Variants in MMP17 observed in about 807,000 individuals in gnomAD.
The protein encoded by MMP17 is matrix metallopeptidase 17.
MMP17 carries 54 observed loss-of-function variants against 49.1 expected under a neutral mutation model. The ratio of observed to expected loss-of-function variants is 1.10; its 90% CI spans 0.88 to 1.38. The LOEUF is 1.38. Ranked by LOEUF, MMP17 falls within the 40% of genes most tolerant of loss-of-function variation. The pLI, the probability that MMP17 is intolerant of heterozygous loss-of-function variation, is 0.00. For synonymous variants in MMP17, 397 were observed against 383.1 expected, an observed-to-expected ratio of 1.04 and a Z score of -0.42; for missense variants, 837 against 853.7, an observed-to-expected ratio of 0.98 and a Z score of 0.24.
At chr12:131,834,563 C>T (rs2136312191) in intron 1 of MMP17, among the ~76,000 whole-genome samples, 1 of 152,198 alleles carries the variant, frequency 6.6e-6, no homozygotes, top group East Asian at 1.9e-4. Flanking sequence ...GTCTGGGCCC[C>T]CACCCCAGCG....
intron 3 of MMP17, 30 bp from the exon 4 acceptor site, chr12:131,840,543 G>GACTCACTC: frequency 6.5e-7 from 1 of 1,544,444 alleles, no homozygotes; most frequent in Non-Finnish European, 8.7e-7. Flanking sequence ...TGTTCTCCGT[G>GACTCACTC]ACTCACTCTG....
Position 131,828,484 on chromosome 12 carries a change from A to T in MMP17, c.-11A>T, listed in dbSNP as rs1231490229. 1.6e-5 allele frequency: 16 copies of T among 991,904 alleles called. No homozygotes were observed. The highest frequency in any genetic ancestry group is 1.9e-5 in the Non-Finnish European group (16 of 835,264). 61.4% of individuals were successfully genotyped at this position (991,904 alleles called of 1,614,324 possible). On this transcript the variant is annotated 5_prime_UTR_variant, in exon 1 of 10. An upstream start codon of the reference 5' UTR is lost. Coordinates refer to ENST00000360564, the MANE Select transcript of MMP17 (RefSeq NM_016155.7). ...GACCCTGCACGCCGCCCGCGGGCCC[A>T]TGTGAGCGCCATGCGGCGCCGCGCA... is the stretch of plus-strand genomic sequence containing the variant.
In MMP17 at chr12:131,838,745, G is replaced by T. The variant is rs1222882697; in HGVS notation, c.422+4G>T. On this transcript the variant is annotated splice_donor_region_variant and intron_variant, in intron 3 of 9. Transcript: ENST00000360564. The stretch of plus-strand genomic sequence containing the variant: ...ACAAGAGGAACCTGTCGTGGAGGTG[G>T]GTGTGTGGCCAGGGTGAGGAGCGGG... The T allele has an allele frequency of 2.6e-6, 4 of 1,561,790 alleles. No homozygotes were observed. In the South Asian group the frequency reaches 4.7e-5, roughly 18 times the overall value.
intron 8 of MMP17, among the ~76,000 whole-genome samples, chr12:131,847,109 TAAA>T (rs34505286): frequency 7.3e-6 from 1 of 136,698 alleles, no homozygotes. Flanking sequence ...AGACCTTGTC[TAAA>T]AAAAAAAAAA....
chr12:131,838,580 G>C, intron 2 of MMP17, 32 bp from the exon 3 acceptor site: 1 of 1,597,594 alleles, frequency 6.3e-7, no homozygotes, highest in South Asian at 1.1e-5. Flanking sequence ...AGTGAGCTGG[G>C]CTAGGCTCTG....
intron 2 of MMP17, 88 bp downstream of exon 2, chr12:131,838,415 C>T: frequency 6.6e-6 from 10 of 1,521,338 alleles, no homozygotes; most frequent in African/African-American, 4.1e-5. Flanking sequence ...GGCACAGTCC[C>T]GTCTTATGCT....
At chr12:131,844,708 C>T (rs1887602860) in intron 6 of MMP17, 2 of 237,204 alleles carry the variant, frequency 8.4e-6, no homozygotes, top group Admixed American at 5.1e-5. Flanking sequence ...TGGACATGCA[C>T]CTTGTCCCTG....
chr12:131,833,375 G>A (rs1369185031), intron 1 of MMP17, among the ~76,000 whole-genome samples: 1 of 152,220 alleles, frequency 6.6e-6, no homozygotes, highest in Non-Finnish European at 1.5e-5. Context: ...TCTTCCTCAC[G>A]ATCCCGTCTT....
chr12:131,841,453 G>A (rs1022287189), intron 4 of MMP17, among the ~76,000 whole-genome samples, 171 bp from the exon 5 acceptor site: 3 of 152,178 alleles, frequency 2.0e-5, no homozygotes, highest in African/African-American at 7.2e-5. Context: ...GCCCCACAGA[G>A]CCCCCAGGGG....
chr12:131,842,706 G>A (rs1165792037), intron 5 of MMP17, among the ~76,000 whole-genome samples: 8 of 151,882 alleles, frequency 5.3e-5, no homozygotes, highest in Admixed American at 1.3e-4. Flanking sequence ...CCGGGAGGCA[G>A]AGGTTGCAGT....
chr12:131,846,784 T>G lies in MMP17; in HGVS notation c.1204+1335T>G, dbSNP rs947532081. ...TGGATGTGAGTTTGGAGGACGTCATTCAATCCAATGTGGCAGCCACTCCCA... is the reference window on the plus strand; with the variant it reads ...TGGATGTGAGTTTGGAGGACGTCATGCAATCCAATGTGGCAGCCACTCCCA... On this transcript the variant is annotated intron_variant, in intron 8 of 9. Transcript: ENST00000360564. This position sits in a 1 kb window ranked among gnomAD's most constrained non-coding sequence, Gnocchi z 4.6. Among the ~76,000 whole-genome samples, 12 of 152,240 alleles carry G rather than the reference T, an allele frequency of 7.9e-5. No individual in the cohort carries two copies. The highest frequency in any genetic ancestry group is 1.6e-4 in the Non-Finnish European group (11 of 68,018).
At position 131,845,313 on chromosome 12, in the gene MMP17, G is replaced by T; in HGVS notation, c.1068G>T (p.Arg356=). 6.2e-7 allele frequency: 1 copy of T among 1,606,978 alleles called. No individual in the cohort carries two copies. Among genetic ancestry groups the T allele is most frequent in the South Asian group, 1.1e-5 (1 of 90,892 alleles). Residue 356 remains arginine (R), a synonymous_variant, in exon 8 of 10, where the codon CGG becomes CGT. Coordinates refer to ENST00000360564, the MANE Select transcript of MMP17 (RefSeq NM_016155.7). ...AFFFKGKYFW[R]LTRDRHLVSL... Reference sequence around the variant, plus strand: ...TGCCCCCAGGCAAGTACTTCTGGCGGCTGACGCGGGACCGGCACCTGGTGT... The same window carrying T: ...TGCCCCCAGGCAAGTACTTCTGGCGTCTGACGCGGGACCGGCACCTGGTGT...
chr12:131,844,409 C>G, intron 6 of MMP17: 1 of 392,344 alleles, frequency 2.5e-6, no homozygotes, highest in Non-Finnish European at 4.6e-6. Context: ...CAGGCAGGGC[C>G]TGCGAGTGTC....
At chr12:131,841,905 T>G in intron 5 of MMP17, 105 bp downstream of exon 5, 6 of 1,257,598 alleles carry the variant, frequency 4.8e-6, no homozygotes, top group Non-Finnish European at 5.4e-6. Context: ...CTCCCCGCTG[T>G]TCCCTCCACG....
Position 131,838,194 on chromosome 12 carries a change from G to C in MMP17, c.160-1G>C, listed in dbSNP as rs778360275. On this transcript the variant is annotated splice_acceptor_variant, in intron 1 of 9. Transcript: ENST00000360564. LOFTEE classifies it high-confidence loss of function. ...CCCCTCACCCTGCTCTCTGCCCTCA[G>C]GAGTGGCTAAGCAGGTTCGGTTACC... 1 of 1,612,230 alleles carries C rather than the reference G, an allele frequency of 6.2e-7. No homozygotes were observed. The highest frequency in any genetic ancestry group is 8.5e-7 in the Non-Finnish European group (1 of 1,179,276).
intron 1 of MMP17, among the ~76,000 whole-genome samples, chr12:131,831,602 C>T (rs1402905426): frequency 1.3e-5 from 2 of 151,614 alleles, no homozygotes; most frequent in African/African-American, 4.8e-5. Flanking sequence ...CTGATTTCGC[C>T]ATGAGAGACG....
At chr12:131,849,310 C>T (rs1287089620) in intron 8 of MMP17, among the ~76,000 whole-genome samples, 2 of 152,096 alleles carry the variant, frequency 1.3e-5, no homozygotes, top group Admixed American at 6.5e-5. Flanking sequence ...ATGGTGAAAC[C>T]CCGTCTCTAC....
intron 1 of MMP17, among the ~76,000 whole-genome samples, chr12:131,835,397 T>C (rs964182135): frequency 6.6e-6 from 1 of 152,194 alleles, no homozygotes; most frequent in Non-Finnish European, 1.5e-5. Flanking sequence ...TTCCAAACAT[T>C]GGGCAACATT....
chr12:131,838,305 C>T lies in MMP17; in HGVS notation c.270C>T (p.Gly90=). 1 of 1,613,102 alleles carries T rather than the reference C, an allele frequency of 6.2e-7. No individual in the cohort carries two copies. Among genetic ancestry groups the T allele is most frequent in the Non-Finnish European group, 8.5e-7 (1 of 1,179,936 alleles). Residue 90 remains glycine (G), a synonymous_variant, in exon 2 of 10, where the codon GGC becomes GGT. Transcript: ENST00000360564. ...KAITAMQQFG[G]LEATGILDEA... is the part of the protein sequence containing the mutation. The stretch of plus-strand genomic sequence containing the variant: ...TCACAGCCATGCAGCAGTTTGGTGG[C>T]CTGGAGGCCACCGGCATCCTGGGTC...
Sources: gnomAD v4.1 joint callset for allele counts (sites outside exome capture counted in the v4.1 genomes callset) on GRCh38, gnomAD v4.1.1 for gene constraint, Gnocchi (gnomAD v3.1) non-coding constraint, MANE v1.5 for transcripts, NCBI Gene and HGNC (gene_info 2026-07-23, HGNC 2026-07-21) for gene names.